SLC4A5: variants seen among roughly 807,000 people sequenced by gnomAD.
The protein encoded by SLC4A5 is electrogenic sodium bicarbonate cotransporter 4.
Under a neutral mutation model 120.4 loss-of-function variants are expected in SLC4A5, and 96 were observed. The ratio of observed to expected loss-of-function variants is 0.80; its 90% confidence interval spans 0.68 to 0.94. The LOEUF (loss-of-function observed/expected upper bound fraction) is 0.94, where lower values mean the gene tolerates loss of function less well. SLC4A5 is among the 40% of genes least tolerant of loss of function. SLC4A5 has a pLI of 0.00. For missense variants in SLC4A5, 1,259 were observed against 1,459.5 expected (o/e 0.86, Z 2.24); for synonymous variants, 550 against 571.1 (o/e 0.96, Z 0.53).
At chr2:74,227,783 T>C in intron 26 of SLC4A5, 27 bp downstream of exon 26, 3 of 1,574,274 alleles carry the variant, frequency 1.9e-6, no homozygotes, top group Non-Finnish European at 2.6e-6. Context: ...CTCCAGATCA[T>C]GAAGGGATCT....
chr2:74,244,407 T>G (rs893522600), intron 19 of SLC4A5, among the ~76,000 whole-genome samples: 2 of 137,832 alleles, frequency 1.5e-5, no homozygotes, highest in Non-Finnish European at 3.1e-5. Flanking sequence ...CCCTCCCCCC[T>G]TCCTTCCCTC....
intron 3 of SLC4A5, among the ~76,000 whole-genome samples, chr2:74,334,993 G>C (rs1673447622): frequency 6.6e-6 from 1 of 152,046 alleles, no homozygotes; most frequent in African/African-American, 2.4e-5. Flanking sequence ...GCTTCTCCAG[G>C]AACCAAGTCC....
At position 74,238,110 on chromosome 2, in the gene SLC4A5, T is replaced by C. The variant is rs187271039; in HGVS notation, c.2319+1225A>G. Among the ~76,000 whole-genome samples the C allele has an allele frequency of 1.4e-4, 21 of 151,724 alleles. No homozygotes were observed. In the East Asian group the frequency reaches 4.1e-3, roughly 29 times the overall value. ...GAGTGAGACTCTGTCTCAAAAATAA[T>C]AATAATAATAAAATAATAATAACAT... is the stretch of plus-strand genomic sequence containing the variant. On this transcript the variant is annotated intron_variant, in intron 21 of 30. Transcript: ENST00000394019.
intron 6 of SLC4A5, among the ~76,000 whole-genome samples, chr2:74,312,795 T>C (rs1471737952): frequency 6.6e-6 from 1 of 152,000 alleles, no homozygotes; most frequent in Non-Finnish European, 1.5e-5. Flanking sequence ...TAAACCAGCG[T>C]GGTGGTGGGC....
chr2:74,325,300 A>G (rs910479358), intron 5 of SLC4A5, among the ~76,000 whole-genome samples: 2 of 152,258 alleles, frequency 1.3e-5, no homozygotes, highest in Non-Finnish European at 2.9e-5. Flanking sequence ...TACAAACTAT[A>G]GAAGTATGGA....
At chr2:74,290,837 A>G in intron 7 of SLC4A5, 4 of 853,234 alleles carry the variant, frequency 4.7e-6, no homozygotes, top group Non-Finnish European at 5.6e-6. Context: ...CTTCCCCATG[A>G]GTGCTTCCTA....
chr2:74,306,585 G>T, intron 6 of SLC4A5: 1 of 309,510 alleles, frequency 3.2e-6, no homozygotes, highest in Non-Finnish European at 6.2e-6. Context: ...TTTTCATATT[G>T]GCTCTTTCAA....
intron 4 of SLC4A5, among the ~76,000 whole-genome samples, chr2:74,333,423 G>T (rs1292540473): frequency 6.6e-6 from 1 of 151,890 alleles, no homozygotes; most frequent in Admixed American, 6.6e-5. Context: ...ATATCCACAG[G>T]TTCCTAACCC....
Position 74,329,554 on chromosome 2 carries a change from A to G in SLC4A5, c.-69-1368T>C, listed in dbSNP as rs544924644. Among the ~76,000 whole-genome samples the G allele has an allele frequency of 1.8e-4, 28 of 152,166 alleles. 1 individual carries two copies. The South Asian group carries it at 5.6e-3, about 30-fold the overall frequency. On this transcript the variant is annotated intron_variant, in intron 4 of 30. Transcript: ENST00000394019. Reference sequence around the variant, plus strand: ...CAGTGAGCCAAGATAGTGCCACTGCACTCCAGCCTGGGCAACACGGCGAGG... The same window carrying G: ...CAGTGAGCCAAGATAGTGCCACTGCGCTCCAGCCTGGGCAACACGGCGAGG...
chr2:74,235,139 G>C, exon 22 of SLC4A5: 2 of 1,614,128 alleles, frequency 1.2e-6, no homozygotes, highest in Non-Finnish European at 1.7e-6. Flanking sequence ...GGAGTTTCTA[G>C]GCCAAAACAG....
intron 3 of SLC4A5, among the ~76,000 whole-genome samples, chr2:74,338,439 G>A (rs1029755210): frequency 1.3e-5 from 2 of 152,234 alleles, no homozygotes; most frequent in African/African-American, 2.4e-5. Flanking sequence ...GGAGGGCAAT[G>A]GGCCCTCATA....
chr2:74,319,314 A>C (rs1673039563), intron 5 of SLC4A5: 1 of 152,206 alleles, frequency 6.6e-6, no homozygotes, highest in African/African-American at 2.4e-5. Context: ...ACCACAATGA[A>C]ATATATGCAT....
At chr2:74,237,303 C>T (rs540208350) in intron 21 of SLC4A5, among the ~76,000 whole-genome samples, 14 of 152,122 alleles carry the variant, frequency 9.2e-5, no homozygotes, top group Admixed American at 5.2e-4. Context: ...AGTAATGTGA[C>T]GGAAAAAATG....
At chr2:74,301,148 C>A (rs1672466359) in intron 7 of SLC4A5, among the ~76,000 whole-genome samples, 1 of 152,108 alleles carries the variant, frequency 6.6e-6, no homozygotes, top group East Asian at 1.9e-4. Flanking sequence ...CCTCGTGGGT[C>A]TCTGTGGAAG....
At chr2:74,274,559 T>G in intron 8 of SLC4A5, among the ~76,000 whole-genome samples, 1 of 152,128 alleles carries the variant, frequency 6.6e-6, no homozygotes, top group East Asian at 1.9e-4. Context: ...ATGGAGAAGT[T>G]CAGAAGCTAC....
At chr2:74,253,759 C>T (rs867623945) in intron 14 of SLC4A5, among the ~76,000 whole-genome samples, 4 of 152,278 alleles carry the variant, frequency 2.6e-5, no homozygotes, top group Middle Eastern at 3.4e-3. Context: ...ACATTGGAAT[C>T]ATTGGAATGA....
intron 8 of SLC4A5, among the ~76,000 whole-genome samples, chr2:74,274,807 A>G: frequency 6.6e-6 from 1 of 152,218 alleles, no homozygotes; most frequent in Non-Finnish European, 1.5e-5. Flanking sequence ...TAGCCTTTGC[A>G]TTCTCTCCTC....
intron 6 of SLC4A5, among the ~76,000 whole-genome samples, chr2:74,311,667 A>G (rs1431238635): frequency 6.6e-6 from 1 of 151,188 alleles, no homozygotes. Flanking sequence ...GTTACAGCAT[A>G]CTCTGCATGA....
At chr2:74,280,925 G>A (rs1210664806) in intron 8 of SLC4A5, among the ~76,000 whole-genome samples, 1 of 152,126 alleles carries the variant, frequency 6.6e-6, no homozygotes, top group Non-Finnish European at 1.5e-5. Context: ...GACCTCAGGT[G>A]ATCCACCTGC....
Sources: allele counts gnomAD v4.1 joint callset (sites outside exome capture counted in the v4.1 genomes callset), GRCh38; gene constraint gnomAD v4.1.1; transcripts MANE v1.5; gene names NCBI Gene and HGNC (gene_info 2026-07-23, HGNC 2026-07-21).